OSBPL1A: variants seen among roughly 807,000 people sequenced by gnomAD.
OSBPL1A encodes the protein oxysterol binding protein like 1A, also known as oxysterol-binding protein-related protein 1.
In OSBPL1A, 80 loss-of-function variants were observed where a neutral mutation model predicts 137.1. The observed-to-expected ratio is 0.58, with a 90% CI of 0.49 to 0.70. The LOEUF (loss-of-function observed/expected upper bound fraction) is 0.70. Ranked by LOEUF, OSBPL1A falls within the 30% of genes least tolerant of loss-of-function variation. The pLI is 0.00. For synonymous variants in OSBPL1A, 365 were observed against 389.7 expected (o/e 0.94, Z 0.75); for missense variants, 970 against 1,129.4 (o/e 0.86, Z 2.02).
chr18:24,198,222 T>C (rs1222203588), intron 17 of OSBPL1A, among the ~76,000 whole-genome samples: 1 of 152,198 alleles, frequency 6.6e-6, no homozygotes, highest in Non-Finnish European at 1.5e-5. Context: ...ATTAAATGTA[T>C]AGACCGTGTG....
At chr18:24,325,529 T>C (rs1462944138) in intron 7 of OSBPL1A, among the ~76,000 whole-genome samples, 1 of 152,210 alleles carries the variant, frequency 6.6e-6, no homozygotes, top group African/African-American at 2.4e-5. Flanking sequence ...CAAAGTTGCT[T>C]AGAGAGCCCT....
chr18:24,247,373 GTGT>G (rs1333250619), intron 15 of OSBPL1A, among the ~76,000 whole-genome samples: 2 of 152,244 alleles, frequency 1.3e-5, no homozygotes, highest in African/African-American at 4.8e-5. Context: ...CTTCAGTGAA[GTGT>G]TGTGAGGATG....
intron 5 of OSBPL1A, among the ~76,000 whole-genome samples, chr18:24,336,543 T>C (rs2091178346): frequency 6.6e-6 from 1 of 152,250 alleles, no homozygotes; most frequent in South Asian, 2.1e-4. Context: ...AAAGGAGCTA[T>C]ACATTCATGA....
At chr18:24,284,262 A>G (rs1439828244) in intron 14 of OSBPL1A, among the ~76,000 whole-genome samples, 1 of 152,178 alleles carries the variant, frequency 6.6e-6, no homozygotes, top group Non-Finnish European at 1.5e-5. Flanking sequence ...TAGAAAAGTG[A>G]CCAACTGGGA....
In OSBPL1A at chr18:24,358,165, T is replaced by C. The variant is rs917959474; in HGVS notation, c.282+8727A>G. ...CTGGTATTCTCTTGTCCAATTTTTA[T>C]GGTAAATGGACAAGGGCAGCAACTC... On this transcript the variant is annotated intron_variant, in intron 4 of 27. Coordinates refer to ENST00000319481, the MANE Select transcript of OSBPL1A (RefSeq NM_080597.4). 11 of 426,330 alleles carry C rather than the reference T, an allele frequency of 2.6e-5. 1 individual carries two copies. Among genetic ancestry groups the C allele is most frequent in the African/African-American group, 2.2e-4 (11 of 50,604 alleles). 26.4% of individuals were successfully genotyped at this position (426,330 alleles called of 1,614,324 possible).
chr18:24,211,376 G>C (rs899025133), intron 17 of OSBPL1A, among the ~76,000 whole-genome samples: 2 of 152,138 alleles, frequency 1.3e-5, no homozygotes, highest in Non-Finnish European at 2.9e-5. Context: ...GATTAAGAAA[G>C]GATAACTGGA....
At chr18:24,307,288 G>T (rs1198049336) in intron 13 of OSBPL1A, among the ~76,000 whole-genome samples, 1 of 151,742 alleles carries the variant, frequency 6.6e-6, no homozygotes, top group Non-Finnish European at 1.5e-5. Flanking sequence ...GTCTCAAAAA[G>T]AAAAAAATAA....
intron 15 of OSBPL1A, among the ~76,000 whole-genome samples, chr18:24,265,761 T>C (rs2089555095): frequency 6.6e-6 from 1 of 152,116 alleles, no homozygotes; most frequent in Non-Finnish European, 1.5e-5. Flanking sequence ...TAACAGTGTG[T>C]CCATGTCTGC....
chr18:24,322,509 T>C (rs146442218), intron 7 of OSBPL1A, among the ~76,000 whole-genome samples: 244 of 152,132 alleles, frequency 1.6e-3, no homozygotes, highest in African/African-American at 5.6e-3. Flanking sequence ...ACTTCTTTAG[T>C]GGGGAAAAAA....
chr18:24,178,310 T>C, intron 20 of OSBPL1A, 115 bp from the exon 21 acceptor site: 1 of 1,079,792 alleles, frequency 9.3e-7, no homozygotes, highest in Non-Finnish European at 1.3e-6. Context: ...GTTGTTGTTG[T>C]TGAGACAAAA....
intron 7 of OSBPL1A, among the ~76,000 whole-genome samples, chr18:24,325,152 T>A (rs2090951474): frequency 6.6e-6 from 1 of 151,880 alleles, no homozygotes; most frequent in Non-Finnish European, 1.5e-5. Flanking sequence ...CATGACAAAA[T>A]AATGGAAAAG....
In OSBPL1A at chr18:24,271,619, T is replaced by A. The variant is rs2089719452; in HGVS notation, c.1281+9223A>T. The A allele has an allele frequency of 1.0e-6, 1 of 985,726 alleles. No homozygotes were observed. 61.1% of individuals were successfully genotyped at this position (985,726 alleles called of 1,614,324 possible). A position where few individuals can be genotyped will look rare whatever the true frequency, so the allele number is the denominator to read the frequency against. Reference sequence around the variant, plus strand: ...CCACCGAGCTGCAAATACACCCACCTACCTGGGCCAGATCCGAGGACCCCG... The same window carrying A: ...CCACCGAGCTGCAAATACACCCACCAACCTGGGCCAGATCCGAGGACCCCG... On this transcript the variant is annotated intron_variant, in intron 15 of 27. Coordinates refer to ENST00000319481, the MANE Select transcript of OSBPL1A (RefSeq NM_080597.4). This position sits in a 1 kb window ranked among gnomAD's most constrained non-coding sequence, Gnocchi z 4.0.
rs1491534405 is a variant in OSBPL1A at position 24,175,104 on chromosome 18, G to GTGTGTATATATATA, written c.2094-2622_2094-2621insTATATATATACACA. Among the ~76,000 whole-genome samples, 27 of 42,714 alleles carry GTGTGTATATATATA rather than the reference G, an allele frequency of 6.3e-4. 1 individual carries two copies. The highest frequency in any genetic ancestry group is 5.3e-3 in the Admixed American group (20 of 3,786). 28.0% of individuals were successfully genotyped at this position (42,714 alleles called of 152,430 possible). A position where few individuals can be genotyped will look rare whatever the true frequency, so the allele number is the denominator to read the frequency against. On this transcript the variant is annotated intron_variant, in intron 21 of 27. Coordinates refer to ENST00000319481, the MANE Select transcript of OSBPL1A (RefSeq NM_080597.4). The stretch of plus-strand genomic sequence containing the variant: ...GACTTCATGTGCTTATTTGCCATGT[G>GTGTGTATATATATA]TATGTATATATATATATATATATAT...
chr18:24,315,654 AATT>A (rs1236563516), intron 11 of OSBPL1A, among the ~76,000 whole-genome samples: 1 of 127,580 alleles, frequency 7.8e-6, no homozygotes, highest in Non-Finnish European at 1.5e-5. Context: ...TAAAATATAA[AATT>A]ATAATATAAT....
chr18:24,311,926 T>C (rs112687744), intron 13 of OSBPL1A, 58 bp downstream of exon 13: 1 of 1,593,158 alleles, frequency 6.3e-7, no homozygotes, highest in African/African-American at 1.4e-5. Context: ...AAAAAAGTTC[T>C]TGATTAAACC....
chr18:24,207,169 C>T (rs746036556), intron 17 of OSBPL1A, among the ~76,000 whole-genome samples: 25 of 152,070 alleles, frequency 1.6e-4, no homozygotes, highest in Admixed American at 1.4e-3. Flanking sequence ...TGGCAACCTC[C>T]GCCTCCCAGG....
intron 14 of OSBPL1A, among the ~76,000 whole-genome samples, chr18:24,294,422 C>T (rs760052970): frequency 6.6e-6 from 1 of 151,986 alleles, no homozygotes; most frequent in Non-Finnish European, 1.5e-5. Context: ...TTAGTAGAGA[C>T]GAGGTTTCAC....
intron 2 of OSBPL1A, among the ~76,000 whole-genome samples, chr18:24,372,288 AG>A (rs1274073681): frequency 2.0e-5 from 3 of 151,558 alleles, no homozygotes; most frequent in Non-Finnish European, 4.4e-5. Flanking sequence ...AAAAAAAAAA[AG>A]AAAGAAAAAG....
chr18:24,194,295 T>C (rs1175530075), intron 18 of OSBPL1A, among the ~76,000 whole-genome samples: 1 of 152,212 alleles, frequency 6.6e-6, no homozygotes, highest in Non-Finnish European at 1.5e-5. Context: ...CATTAACAAG[T>C]TGTAAAATAA....
Sources: gnomAD v4.1 joint callset for allele counts (sites outside exome capture counted in the v4.1 genomes callset) on GRCh38, gnomAD v4.1.1 for gene constraint, Gnocchi (gnomAD v3.1) non-coding constraint, MANE v1.5 for transcripts, NCBI Gene and HGNC (gene_info 2026-07-23, HGNC 2026-07-21) for gene names.